The following ADGRL3 variants were observed in gnomAD, a reference collection of about 807,000 sequenced individuals.
ADGRL3 encodes the protein calcium-independent alpha-latrotoxin receptor 3.
ADGRL3 carries 62 observed loss-of-function variants against 153.5 expected under a neutral mutation model. The ratio of observed to expected loss-of-function variants is 0.40; its 90% CI spans 0.33 to 0.50. ADGRL3 has a LOEUF of 0.50. Among genes scored for constraint, ADGRL3 ranks in the 20% least tolerant of loss-of-function variants. The probability of loss-of-function intolerance (pLI) is 0.47; values close to 1 mark genes in which losing one functional copy is unlikely to be tolerated. For synonymous variants in ADGRL3, 710 were observed against 672.5 expected, an observed-to-expected ratio of 1.06 and a Z score of -0.86; for missense variants, 1,641 against 1,859.4, an observed-to-expected ratio of 0.88 and a Z score of 2.16.
intron 2 of ADGRL3, among the ~76,000 whole-genome samples, chr4:61,407,636 T>C (rs2152220481): frequency 6.6e-6 from 1 of 152,262 alleles, no homozygotes; most frequent in Non-Finnish European, 1.5e-5. Flanking sequence ...AGATTCTCTG[T>C]CATCATTGAA....
intron 1 of ADGRL3, among the ~76,000 whole-genome samples, chr4:61,229,471 T>C (rs1749564862): frequency 6.6e-6 from 1 of 152,168 alleles, no homozygotes; most frequent in African/African-American, 2.4e-5. Context: ...TTTTTTAGAT[T>C]TGAATTTTAA....
chr4:61,556,058 C>T (rs1475809715), intron 4 of ADGRL3, among the ~76,000 whole-genome samples: 1 of 152,154 alleles, frequency 6.6e-6, no homozygotes, highest in African/African-American at 2.4e-5. Context: ...CCCAGTGGGT[C>T]TCAGCCTTAT....
chr4:61,598,054 C>T (rs1423954704), intron 5 of ADGRL3, among the ~76,000 whole-genome samples: 1 of 151,954 alleles, frequency 6.6e-6, no homozygotes, highest in Non-Finnish European at 1.5e-5. Flanking sequence ...ATCATCCTTG[C>T]CTGAGGAGAT....
intron 1 of ADGRL3, among the ~76,000 whole-genome samples, chr4:61,288,715 G>C (rs1357224111): frequency 6.6e-6 from 1 of 152,012 alleles, no homozygotes; most frequent in Non-Finnish European, 1.5e-5. Context: ...TCCCAAAACT[G>C]TTTAAAGTAA....
At position 61,730,637 on chromosome 4, in the gene ADGRL3, G is replaced by A; in HGVS notation, c.598+1G>A. ...TCTCCAATAGAAGTGGAACAAAAAG[G>A]TAATTAAATACCTTTCATAAATTAT... On this transcript the variant is annotated splice_donor_variant, in intron 7 of 26. Coordinates refer to ENST00000683033, the MANE Select transcript of ADGRL3 (RefSeq NM_001387552.1). LOFTEE classifies it high-confidence loss of function. 1.8e-6 allele frequency: 1 copy of A among 562,780 alleles called. No individual in the cohort carries two copies. Among genetic ancestry groups the A allele is most frequent in the Non-Finnish European group, 2.9e-6 (1 of 339,378 alleles). 34.9% of individuals were successfully genotyped at this position (562,780 alleles called of 1,614,324 possible).
intron 2 of ADGRL3, among the ~76,000 whole-genome samples, chr4:61,476,035 T>C (rs968902469): frequency 1.3e-5 from 2 of 152,180 alleles, no homozygotes; most frequent in African/African-American, 4.8e-5. Flanking sequence ...TTGCTGAGTT[T>C]GATCATATGA....
At chr4:61,655,668 T>C (rs2343526) in intron 5 of ADGRL3, among the ~76,000 whole-genome samples, 89,698 of 151,950 alleles carry the variant, frequency 0.59, 27,871 homozygotes, top group Non-Finnish European at 0.72. Flanking sequence ...TTTCTCTTAA[T>C]TGATAGATTC....
rs760720553 is a variant in ADGRL3 at position 61,947,149 on chromosome 4, T to C, written c.2628+27T>C. ...TAAGAAAATGGCATATTAGCTTGGT[T>C]GTTCATATTATCTGTATTTTTATAA... On this transcript the variant is annotated intron_variant, in intron 16 of 26. Coordinates refer to ENST00000683033, the MANE Select transcript of ADGRL3 (RefSeq NM_001387552.1). 1.9e-6 allele frequency: 3 copies of C among 1,545,954 alleles called. No homozygotes were observed. In the South Asian group the frequency reaches 3.4e-5, roughly 17 times the overall value.
intron 20 of ADGRL3, among the ~76,000 whole-genome samples, chr4:61,996,581 A>G (rs1434973129): frequency 6.6e-6 from 1 of 152,214 alleles, no homozygotes; most frequent in African/African-American, 2.4e-5. Flanking sequence ...GCAAAAGCTT[A>G]TGGAGTGTTA....
chr4:61,433,770 A>C (rs1189668946), intron 2 of ADGRL3, among the ~76,000 whole-genome samples: 4 of 152,200 alleles, frequency 2.6e-5, no homozygotes, highest in Non-Finnish European at 5.9e-5. Flanking sequence ...TTGACATATC[A>C]GTTGGATATC....
At chr4:61,946,887 A>T (rs1208978290) in intron 15 of ADGRL3, 27 bp from the exon 16 acceptor site, 2 of 1,562,634 alleles carry the variant, frequency 1.3e-6, no homozygotes, top group Middle Eastern at 3.4e-4. Flanking sequence ...GAGTGGACAA[A>T]CTAATCAGAG....
intron 8 of ADGRL3, among the ~76,000 whole-genome samples, chr4:61,760,501 T>C (rs1010523319): frequency 1.3e-5 from 2 of 152,174 alleles, no homozygotes; most frequent in Non-Finnish European, 2.9e-5. Flanking sequence ...GCTAAGACCA[T>C]TGGAAAAGTG....
chr4:61,732,312 T>G (rs1227914644), intron 7 of ADGRL3, among the ~76,000 whole-genome samples: 5 of 152,290 alleles, frequency 3.3e-5, no homozygotes, highest in African/African-American at 9.6e-5. Context: ...TTCATCTGTT[T>G]CTTAATGATA....
intron 8 of ADGRL3, among the ~76,000 whole-genome samples, chr4:61,808,018 GT>G (rs1561285075): frequency 1.3e-5 from 2 of 151,988 alleles, no homozygotes; most frequent in Admixed American, 1.3e-4. Context: ...TGTTCCTCCT[GT>G]CCCCCATACA....
intron 9 of ADGRL3, among the ~76,000 whole-genome samples, chr4:61,839,873 T>A (rs1398582645): frequency 2.0e-5 from 3 of 150,964 alleles, no homozygotes; most frequent in African/African-American, 7.3e-5. Flanking sequence ...TCACTTGAGC[T>A]CAGGAGTTTG....
At chr4:61,379,710 A>G (rs1293675618) in intron 1 of ADGRL3, among the ~76,000 whole-genome samples, 1 of 152,050 alleles carries the variant, frequency 6.6e-6, no homozygotes, top group Admixed American at 6.6e-5. Flanking sequence ...AAAAAATAAC[A>G]TATTTTCCAT....
chr4:61,938,553 G>A (rs1291907444), intron 15 of ADGRL3, among the ~76,000 whole-genome samples: 1 of 152,128 alleles, frequency 6.6e-6, no homozygotes, highest in African/African-American at 2.4e-5. Context: ...GCTGACAGCA[G>A]CCTTTACCAC....
At chr4:61,243,470 A>G (rs1489156318) in intron 1 of ADGRL3, among the ~76,000 whole-genome samples, 1 of 152,018 alleles carries the variant, frequency 6.6e-6, no homozygotes, top group Non-Finnish European at 1.5e-5. Flanking sequence ...GGCAGCAGCA[A>G]CTGAGCAATG....
intron 5 of ADGRL3, among the ~76,000 whole-genome samples, chr4:61,618,239 T>A (rs2092219598): frequency 6.6e-6 from 1 of 152,160 alleles, no homozygotes; most frequent in South Asian, 2.1e-4. Context: ...GGAAATAGAA[T>A]GGGAGTAAGG....
Sources: allele counts gnomAD v4.1 joint callset (sites outside exome capture counted in the v4.1 genomes callset), GRCh38; gene constraint gnomAD v4.1.1; transcripts MANE v1.5; gene names NCBI Gene and HGNC (gene_info 2026-07-23, HGNC 2026-07-21).